The following LMNB2 variants were observed in gnomAD, a reference collection of about 807,000 sequenced individuals.
The protein encoded by LMNB2 is lamin B2, also known as lamin-B2.
Under a neutral mutation model 69.3 loss-of-function variants are expected in LMNB2, and 17 were observed. The observed-to-expected ratio is 0.25, with a 90% CI of 0.17 to 0.37. The LOEUF (loss-of-function observed/expected upper bound fraction) is 0.37, where lower values mean the gene tolerates loss of function less well. Among genes scored for constraint, LMNB2 ranks in the 10% least tolerant of loss-of-function variants. The pLI is 1.00. For synonymous variants in LMNB2, 397 were observed against 389.3 expected (o/e 1.02, Z -0.23); for missense variants, 789 against 883.6 (o/e 0.89, Z 1.36).
chr19:2,431,798 A>T lies in LMNB2; in HGVS notation c.1695T>A (p.Val565=). 6.2e-7 allele frequency: 1 copy of T among 1,613,796 alleles called. No homozygotes were observed. Residue 565 remains valine, a synonymous_variant, in exon 10 of 12, where the codon GTT becomes GTA. Transcript: ENST00000325327. The part of the protein sequence containing the change: ...GTGESFRTVL[V]NADGEEVAMR... Reference sequence around the variant, plus strand: ...ACACACCCACCTCGCCATCCGCGTTAACCAGGACGGTGCGGAAGCTCTCGC... The same window carrying T: ...ACACACCCACCTCGCCATCCGCGTTTACCAGGACGGTGCGGAAGCTCTCGC...
intron 2 of LMNB2, among the ~76,000 whole-genome samples, chr19:2,442,057 C>T (rs1971905628): frequency 6.6e-6 from 1 of 152,212 alleles, no homozygotes; most frequent in Non-Finnish European, 1.5e-5. Flanking sequence ...TTAGAATCTT[C>T]AGCTGGGTGC....
rs1452736805 is a variant in LMNB2 at position 2,443,302 on chromosome 19, A to T, written c.401+1102T>A. Among the ~76,000 whole-genome samples the T allele has an allele frequency of 6.6e-6, 1 of 152,184 alleles. No individual in the cohort carries two copies. The highest frequency in any genetic ancestry group is 1.5e-5 in the Non-Finnish European group (1 of 68,010). On this transcript the variant is annotated intron_variant, in intron 2 of 11. Coordinates refer to ENST00000325327, the MANE Select transcript of LMNB2 (RefSeq NM_032737.4). This position sits in a 1 kb window ranked among gnomAD's most constrained non-coding sequence, Gnocchi z 6.2. ...GGTCTCCTGTTGGGGAAGGGAAGTC[A>T]GCTCTCCACGGGAGCAGCGCCAGCC...
chr19:2,435,404 C>T (rs770974937), intron 4 of LMNB2, among the ~76,000 whole-genome samples: 1 of 152,222 alleles, frequency 6.6e-6, no homozygotes, highest in Non-Finnish European at 1.5e-5. Flanking sequence ...AGCATGGATG[C>T]ACCTTGAGGA....
In LMNB2 at chr19:2,434,930, G is replaced by T; in HGVS notation, c.856-17C>A. ...GCTGTCCAGCTGTGGGGAGACGGGCGGGTGAGTGCGGGCGCGGGGCGGGGC... is the reference window on the plus strand; with the variant it reads ...GCTGTCCAGCTGTGGGGAGACGGGCTGGTGAGTGCGGGCGCGGGGCGGGGC... On this transcript the variant is annotated splice_polypyrimidine_tract_variant and intron_variant, in intron 5 of 11. Transcript: ENST00000325327. The T allele has an allele frequency of 2.5e-6, 4 of 1,595,270 alleles. No homozygotes were observed. In the South Asian group the frequency reaches 4.4e-5, roughly 18 times the overall value.
intron 9 of LMNB2, among the ~76,000 whole-genome samples, 190 bp downstream of exon 9, chr19:2,432,226 C>T (rs985697688): frequency 6.6e-6 from 1 of 152,148 alleles, no homozygotes; most frequent in Non-Finnish European, 1.5e-5. Context: ...GCACACCACT[C>T]AGGCTCCAGG....
At chr19:2,445,104 C>T (rs923000436) in intron 1 of LMNB2, among the ~76,000 whole-genome samples, 1 of 152,126 alleles carries the variant, frequency 6.6e-6, no homozygotes, top group Admixed American at 6.5e-5. Flanking sequence ...TGATCACTCT[C>T]GGACAACTGG....
At chr19:2,444,327 G>T in intron 2 of LMNB2, 77 bp downstream of exon 2, 1 of 1,563,630 alleles carries the variant, frequency 6.4e-7, no homozygotes, top group Non-Finnish European at 8.8e-7. Context: ...CCCCGCACGA[G>T]CCCAGCGCCC....
At chr19:2,438,030 C>A (rs1046190607) in intron 4 of LMNB2, 133 bp downstream of exon 4, 1 of 1,352,080 alleles carries the variant, frequency 7.4e-7, no homozygotes, top group Non-Finnish European at 1.0e-6. Context: ...CCCTAAGAGG[C>A]AGGAAGGAGC....
chr19:2,450,174 C>T (rs542401733), intron 1 of LMNB2, among the ~76,000 whole-genome samples: 8 of 149,492 alleles, frequency 5.4e-5, no homozygotes, highest in South Asian at 4.2e-4. Context: ...CCCAGCGTGA[C>T]GATGAGCAAA....
intron 1 of LMNB2, 87 bp downstream of exon 1, chr19:2,456,583 C>G (rs1972093022): frequency 1.6e-6 from 2 of 1,277,596 alleles, no homozygotes; most frequent in East Asian, 7.0e-5. Flanking sequence ...TCTGCACCCC[C>G]GCCCAGGGTC....
chr19:2,441,517 C>T (rs377626638), intron 2 of LMNB2, among the ~76,000 whole-genome samples: 5 of 152,348 alleles, frequency 3.3e-5, no homozygotes, highest in East Asian at 1.9e-4. Flanking sequence ...CAGGCCCTTT[C>T]GCTCAGAGGG....
At position 2,447,846 on chromosome 19, in the gene LMNB2, T is replaced by C. The variant is rs933973020; in HGVS notation, c.265-3306A>G. 8.5e-5 allele frequency among the ~76,000 whole-genome samples: 13 copies of C among 152,310 alleles called. No homozygotes were observed. Among genetic ancestry groups the C allele is most frequent in the African/African-American group, 3.1e-4 (13 of 41,568 alleles). On this transcript the variant is annotated intron_variant, in intron 1 of 11. Coordinates refer to ENST00000325327, the MANE Select transcript of LMNB2 (RefSeq NM_032737.4). The surrounding 1 kb of genome is among the most constrained non-coding windows in gnomAD (Gnocchi z 4.4). The stretch of plus-strand genomic sequence containing the variant: ...GGACCCTCAGCCTCAAACCAACGCA[T>C]GCTGGGCCATCTGGACAAGTCAGAG...
Position 2,431,808 on chromosome 19 carries a change from G to C in LMNB2, c.1685C>G (p.Thr562Ser). Reference protein sequence around the residue: ...SSWGTGESFRTVLVNADGEEV... With the variant: ...SSWGTGESFRSVLVNADGEEV... ...CTCGCCATCCGCGTTAACCAGGACG[G>C]TGCGGAAGCTCTCGCCCGTGCCCCA... Residue 562 changes from threonine (T) to serine (S), a missense_variant, in exon 10 of 12, where the codon ACC becomes AGC. By Grantham distance (58) the Thr-to-Ser change is moderately conservative. Coordinates refer to ENST00000325327, the MANE Select transcript of LMNB2 (RefSeq NM_032737.4). 6.2e-7 allele frequency: 1 copy of C among 1,613,840 alleles called. No individual in the cohort carries two copies. The highest frequency in any genetic ancestry group is 8.5e-7 in the Non-Finnish European group (1 of 1,179,904).
rs1375636563 is a variant in LMNB2, at chr19:2,443,201, C to T, written c.401+1203G>A. ...CCCAGGGTCCCCGGCTCATGGCCAC[C>T]ATCAGGGCACAAATGGTCCCTCCTG... is the stretch of plus-strand genomic sequence containing the variant. On this transcript the variant is annotated intron_variant, in intron 2 of 11. Transcript: ENST00000325327. The surrounding 1 kb of genome is among the most constrained non-coding windows in gnomAD (Gnocchi z 6.2). Among the ~76,000 whole-genome samples, 2 of 152,280 alleles carry T rather than the reference C, an allele frequency of 1.3e-5. No homozygotes were observed. Among genetic ancestry groups the T allele is most frequent in the African/African-American group, 2.4e-5 (1 of 41,554 alleles).
At chr19:2,456,597 G>T in intron 1 of LMNB2, 73 bp downstream of exon 1, 2 of 1,314,938 alleles carry the variant, frequency 1.5e-6, no homozygotes, top group Non-Finnish European at 1.9e-6. Flanking sequence ...CAGGGTCCCC[G>T]CGATCGCGCG....
At position 2,438,287 on chromosome 19, in the gene LMNB2, G is replaced by T; in HGVS notation, c.560C>A (p.Ala187Asp). Residue 187 changes from alanine to aspartate, a missense_variant and splice_region_variant, in exon 4 of 12, where the codon GCC becomes GAC. Physicochemically the swap from Ala to Asp is moderately radical, Grantham distance 126. Around this residue, in one of 3 missense-constraint regions of LMNB2, gnomAD observed 609 missense variants for 630.9 expected, o/e 0.97. Coordinates refer to ENST00000325327, the MANE Select transcript of LMNB2 (RefSeq NM_032737.4). ...TTTGGCCACTGCATGACCGTCCTCGGCCTGGGAGACACAGGACAGCGAGCT... is the reference window on the plus strand; with the variant it reads ...TTTGGCCACTGCATGACCGTCCTCGTCCTGGGAGACACAGGACAGCGAGCT... ...VAELRAQLAK[A>D]EDGHAVAKKQ... The T allele has an allele frequency of 1.9e-6, 3 of 1,613,980 alleles. No individual in the cohort carries two copies. The highest frequency in any genetic ancestry group is 8.5e-7 in the Non-Finnish European group (1 of 1,180,044).
intron 5 of LMNB2, 29 bp from the exon 6 acceptor site, chr19:2,434,942 G>T (rs780523236): frequency 3.8e-6 from 6 of 1,586,442 alleles, no homozygotes; most frequent in Non-Finnish European, 5.1e-6. Flanking sequence ...GTGAGTGCGG[G>T]CGCGGGGCGG....
chr19:2,440,637 TCATC>T (rs1054635071), intron 2 of LMNB2, among the ~76,000 whole-genome samples: 5 of 140,496 alleles, frequency 3.6e-5, no homozygotes, highest in East Asian at 1.9e-4. Flanking sequence ...ATCCATCTAC[TCATC>T]CATCCATCAT....
At chr19:2,455,214 A>G (rs1389210886) in intron 1 of LMNB2, among the ~76,000 whole-genome samples, 1 of 151,932 alleles carries the variant, frequency 6.6e-6, no homozygotes, top group Non-Finnish European at 1.5e-5. Context: ...GGAACTCGCT[A>G]AAGCTCCAGG....
Sources: allele counts gnomAD v4.1 joint callset (sites outside exome capture counted in the v4.1 genomes callset), GRCh38; gene constraint gnomAD v4.1.1; regional missense constraint gnomAD v4.1.1; non-coding constraint Gnocchi (gnomAD v3.1); transcripts MANE v1.5; gene names NCBI Gene and HGNC (gene_info 2026-07-23, HGNC 2026-07-21).